CACNG4: variants seen among roughly 807,000 people sequenced by gnomAD.
The protein encoded by CACNG4 is calcium voltage-gated channel auxiliary subunit gamma 4, also known as voltage-dependent calcium channel gamma-4 subunit.
In CACNG4, 8 loss-of-function variants were observed where a neutral mutation model predicts 22.9. That is an observed-to-expected ratio of 0.35 (90% CI 0.21 to 0.63). The LOEUF (loss-of-function observed/expected upper bound fraction) is 0.63, where lower values mean the gene tolerates loss of function less well. Ranked by LOEUF, CACNG4 falls within the 30% of genes least tolerant of loss-of-function variation. The pLI is 0.72. For synonymous variants in CACNG4, 188 were observed against 191.9 expected, an observed-to-expected ratio of 0.98 and a Z score of 0.17; for missense variants, 357 against 455.4, an observed-to-expected ratio of 0.78 and a Z score of 1.97.
chr17:66,988,560 C>T (rs901353564), intron 1 of CACNG4, among the ~76,000 whole-genome samples: 3 of 152,122 alleles, frequency 2.0e-5, no homozygotes, highest in African/African-American at 7.2e-5. Context: ...CCCCTCGCCT[C>T]GCCTCACCTC....
rs1391063029 is a variant in CACNG4, at chr17:66,964,896, C to A, written c.-16C>A. On this transcript the variant is annotated 5_prime_UTR_variant, in exon 1 of 4. Transcript: ENST00000262138. ...GCGGGCCGGGCCGGCGGGCGGCGGA[C>A]TATGAGGCGCCCACCATGGTGCGAT... 2 of 1,468,924 alleles carry A rather than the reference C, an allele frequency of 1.4e-6. No individual in the cohort carries two copies. Among genetic ancestry groups the A allele is most frequent in the African/African-American group, 2.9e-5 (2 of 68,334 alleles). The allele number at this position is 1,468,924 out of a possible 1,614,324, so 91.0% of individuals were successfully genotyped here. A position where few individuals can be genotyped will look rare whatever the true frequency, so the allele number is the denominator to read the frequency against.
intron 1 of CACNG4, among the ~76,000 whole-genome samples, chr17:66,995,479 G>A (rs1359572999): frequency 1.3e-5 from 2 of 152,188 alleles, no homozygotes; most frequent in African/African-American, 2.4e-5. Context: ...GGCCTGGTTT[G>A]CCAGCATCTT....
In CACNG4 at chr17:66,964,875, G is replaced by A. The variant is rs1245026821; in HGVS notation, c.-37G>A. On this transcript the variant is annotated 5_prime_UTR_variant, in exon 1 of 4. Coordinates refer to ENST00000262138, the MANE Select transcript of CACNG4 (RefSeq NM_014405.4). Reference sequence around the variant, plus strand: ...GGAGGAGGGCGGGCGGGCGCGGCGGGCCGGGCCGGCGGGCGGCGGACTATG... The same window carrying A: ...GGAGGAGGGCGGGCGGGCGCGGCGGACCGGGCCGGCGGGCGGCGGACTATG... 10 of 1,283,676 alleles carry A rather than the reference G, an allele frequency of 7.8e-6. No individual in the cohort carries two copies. The highest frequency in any genetic ancestry group is 1.0e-5 in the Non-Finnish European group (10 of 1,003,402). 79.5% of individuals were successfully genotyped at this position (1,283,676 alleles called of 1,614,324 possible). A position where few individuals can be genotyped will look rare whatever the true frequency, so the allele number is the denominator to read the frequency against.
At chr17:67,010,052 A>C (rs1347760168) in intron 1 of CACNG4, among the ~76,000 whole-genome samples, 1 of 151,234 alleles carries the variant, frequency 6.6e-6, no homozygotes, top group East Asian at 1.9e-4. Context: ...GTGGTTTGGG[A>C]ACCTTCACAC....
intron 1 of CACNG4, among the ~76,000 whole-genome samples, chr17:67,004,554 T>C (rs1289219615): frequency 6.6e-6 from 1 of 152,100 alleles, no homozygotes; most frequent in Non-Finnish European, 1.5e-5. Flanking sequence ...TATTTTCGTG[T>C]CTTAGAAAGT....
rs2035574849 is a variant in CACNG4 at position 67,027,407 on chromosome 17, T to G, written c.445+2407T>G. 6.6e-6 allele frequency among the ~76,000 whole-genome samples: 1 copy of G among 152,162 alleles called. No homozygotes were observed. Among genetic ancestry groups the G allele is most frequent in the Non-Finnish European group, 1.5e-5 (1 of 68,024 alleles). ...AATGGGGAGGCCAGCAAGGGGACAT[T>G]GGCTTATTCCCTGGCGCATGGGGCA... On this transcript the variant is annotated intron_variant, in intron 3 of 3. Coordinates refer to ENST00000262138, the MANE Select transcript of CACNG4 (RefSeq NM_014405.4). The surrounding 1 kb of genome is among the most constrained non-coding windows in gnomAD (Gnocchi z 4.3).
At chr17:66,987,086 G>T (rs2035309546) in intron 1 of CACNG4, among the ~76,000 whole-genome samples, 1 of 152,162 alleles carries the variant, frequency 6.6e-6, no homozygotes, top group Non-Finnish European at 1.5e-5. Flanking sequence ...GAGGGGAGAG[G>T]GGAATGGGAT....
rs1201220000 is a variant in CACNG4 at position 67,027,761 on chromosome 17, G to A, written c.446-2705G>A. Among the ~76,000 whole-genome samples, 1 of 152,216 alleles carries A rather than the reference G, an allele frequency of 6.6e-6. No homozygotes were observed. Among genetic ancestry groups the A allele is most frequent in the Non-Finnish European group, 1.5e-5 (1 of 68,036 alleles). The stretch of plus-strand genomic sequence containing the variant: ...GGTGAACTAGCGGTGGCTCATGCCT[G>A]TAATCCCAGCATTTTGGGAGGCCGA... On this transcript the variant is annotated intron_variant, in intron 3 of 3. Transcript: ENST00000262138. The surrounding 1 kb of genome is among the most constrained non-coding windows in gnomAD (Gnocchi z 4.3).
chr17:67,008,801 T>C (rs2035451654), intron 1 of CACNG4, among the ~76,000 whole-genome samples: 1 of 151,920 alleles, frequency 6.6e-6, no homozygotes, highest in Non-Finnish European at 1.5e-5. Context: ...TAACAAAACT[T>C]AGCCAGGCAT....
chr17:66,992,936 G>A (rs530911541), intron 1 of CACNG4, among the ~76,000 whole-genome samples: 38 of 152,402 alleles, frequency 2.5e-4, no homozygotes, highest in African/African-American at 9.1e-4. Context: ...CATCACCCAA[G>A]TGGGACTTCT....
At chr17:66,965,318 T>G (rs986587600) in intron 1 of CACNG4, among the ~76,000 whole-genome samples, 187 bp downstream of exon 1, 5 of 145,240 alleles carry the variant, frequency 3.4e-5, no homozygotes, top group Admixed American at 2.7e-4. Context: ...GGCGGGCGGG[T>G]CCCTTCGCGG....
At chr17:67,013,999 G>A (rs531308218) in intron 1 of CACNG4, among the ~76,000 whole-genome samples, 1 of 152,208 alleles carries the variant, frequency 6.6e-6, no homozygotes, top group East Asian at 1.9e-4. Flanking sequence ...CCAATTCCTA[G>A]GTTTTCTAGA....
intron 1 of CACNG4, among the ~76,000 whole-genome samples, chr17:67,006,374 G>A (rs1462123537): frequency 6.6e-6 from 1 of 152,156 alleles, no homozygotes; most frequent in Non-Finnish European, 1.5e-5. Flanking sequence ...TCGGCTGATG[G>A]CATGAAATCC....
chr17:66,997,537 CA>C (rs2035382711), intron 1 of CACNG4, among the ~76,000 whole-genome samples: 1 of 152,158 alleles, frequency 6.6e-6, no homozygotes, highest in African/African-American at 2.4e-5. Context: ...TAAAACCAGG[CA>C]GGGTGTAGTG....
At chr17:67,002,120 A>G (rs1486029379) in intron 1 of CACNG4, among the ~76,000 whole-genome samples, 2 of 152,220 alleles carry the variant, frequency 1.3e-5, no homozygotes, top group African/African-American at 2.4e-5. Context: ...AAGAGGTTTA[A>G]TGGACTCACA....
At chr17:66,994,862 AG>A (rs1398730827) in intron 1 of CACNG4, among the ~76,000 whole-genome samples, 1 of 152,102 alleles carries the variant, frequency 6.6e-6, no homozygotes, top group Admixed American at 6.5e-5. Flanking sequence ...CTTCCCAGGC[AG>A]GGTGGTGAAG....
At chr17:66,992,655 G>A (rs2035348280) in intron 1 of CACNG4, among the ~76,000 whole-genome samples, 1 of 152,242 alleles carries the variant, frequency 6.6e-6, no homozygotes, top group Admixed American at 6.5e-5. Flanking sequence ...CCCCTGGCCT[G>A]GTGGAGGCTT....
At chr17:67,022,817 C>G (rs1300009299) in intron 2 of CACNG4, among the ~76,000 whole-genome samples, 1 of 152,252 alleles carries the variant, frequency 6.6e-6, no homozygotes, top group Non-Finnish European at 1.5e-5. Context: ...CCTTGCTTCC[C>G]TCCCTCTCGC....
At chr17:66,971,069 G>T (rs552388572) in intron 1 of CACNG4, among the ~76,000 whole-genome samples, 1 of 152,300 alleles carries the variant, frequency 6.6e-6, no homozygotes, top group South Asian at 2.1e-4. Context: ...CAGGGGAGGG[G>T]GCCTGGTGGG....
Sources: allele counts gnomAD v4.1 joint callset (sites outside exome capture counted in the v4.1 genomes callset), GRCh38; gene constraint gnomAD v4.1.1; non-coding constraint Gnocchi (gnomAD v3.1); transcripts MANE v1.5; gene names NCBI Gene and HGNC (gene_info 2026-07-23, HGNC 2026-07-21).